Variants in PPP2R5E observed in about 807,000 individuals in gnomAD.
PPP2R5E encodes the protein serine/threonine-protein phosphatase 2A 56 kDa regulatory subunit epsilon isoform.
A neutral mutation model predicts 65.3 loss-of-function variants in PPP2R5E; 4 were observed. The ratio of observed to expected loss-of-function variants is 0.06; its 90% CI spans 0.03 to 0.14. The LOEUF (loss-of-function observed/expected upper bound fraction) is 0.14. Among genes scored for constraint, PPP2R5E ranks in the 10% least tolerant of loss-of-function variants. PPP2R5E has a pLI of 1.00. For synonymous variants in PPP2R5E, 183 were observed against 187.4 expected (o/e 0.98, Z 0.19); for missense variants, 274 against 556.1 (o/e 0.49, Z 5.10).
At chr14:63,399,326 G>C (rs1885599429) in intron 5 of PPP2R5E, among the ~76,000 whole-genome samples, 1 of 141,190 alleles carries the variant, frequency 7.1e-6, no homozygotes, top group Non-Finnish European at 1.5e-5. Flanking sequence ...GTGACAGAAA[G>C]TAGAATGGGG....
At chr14:63,429,714 A>C (rs529882752) in intron 3 of PPP2R5E, among the ~76,000 whole-genome samples, 1 of 150,226 alleles carries the variant, frequency 6.7e-6, no homozygotes. Flanking sequence ...ACAGATTTTC[A>C]TGCTTGTTGC....
At chr14:63,431,160 C>G (rs771689388) in intron 3 of PPP2R5E, among the ~76,000 whole-genome samples, 1 of 151,778 alleles carries the variant, frequency 6.6e-6, no homozygotes, top group Non-Finnish European at 1.5e-5. Context: ...CCCAGCTACT[C>G]GGGAGACTGA....
At position 63,391,651 on chromosome 14, in the gene PPP2R5E, G is replaced by A. The variant is rs544884597; in HGVS notation, c.954+166C>T. Among the ~76,000 whole-genome samples, 7 of 152,280 alleles carry A rather than the reference G, an allele frequency of 4.6e-5. No homozygotes were observed. In the East Asian group the frequency reaches 5.8e-4, roughly 13 times the overall value. ...TTGGTCAGGCTGGTCTCGAACTCCC[G>A]ACCTCAGGTGATCTGCCCGCCTCGG... On this transcript the variant is annotated intron_variant, in intron 10 of 13. Transcript: ENST00000337537.
At chr14:63,449,870 C>CT (rs1485905964) in intron 3 of PPP2R5E, among the ~76,000 whole-genome samples, 146 of 132,050 alleles carry the variant, frequency 1.1e-3, no homozygotes, top group African/African-American at 3.3e-3. Context: ...TTTTCTTTTC[C>CT]TATTTTTTTT....
chr14:63,431,231 G>T (rs1887654253), intron 3 of PPP2R5E, among the ~76,000 whole-genome samples: 1 of 150,522 alleles, frequency 6.6e-6, no homozygotes, highest in Non-Finnish European at 1.5e-5. Flanking sequence ...TCACGCCACT[G>T]CACTCCAGCC....
intron 12 of PPP2R5E, 91 bp from the exon 13 acceptor site, chr14:63,382,248 T>C (rs988799054): frequency 1.3e-5 from 12 of 901,950 alleles, no homozygotes; most frequent in African/African-American, 6.5e-5. Context: ...TTTGTCTGAA[T>C]GATTTCTCGT....
chr14:63,399,366 CTTTTTTTTTTTTTTTTT>C (rs397814218), intron 5 of PPP2R5E, among the ~76,000 whole-genome samples: 643 of 48,606 alleles, frequency 0.013, 17 homozygotes, highest in African/African-American at 0.049. Context: ...GGATTTCTTT[CTTTTTTTTTTTTTTTTT>C]TTTTTTTTTT....
At chr14:63,531,941 G>A (rs112332901) in intron 2 of PPP2R5E, among the ~76,000 whole-genome samples, 1,829 of 150,362 alleles carry the variant, frequency 0.012, 31 homozygotes, top group African/African-American at 0.043. Context: ...CAACAAGAGC[G>A]AACCTCCATC....
chr14:63,497,226 C>T (rs1891614508), intron 2 of PPP2R5E, among the ~76,000 whole-genome samples: 1 of 151,990 alleles, frequency 6.6e-6, no homozygotes, highest in Admixed American at 6.6e-5. Flanking sequence ...AAACGTATGA[C>T]AGTATTTCCT....
At position 63,497,475 on chromosome 14, in the gene PPP2R5E, A is replaced by G. The variant is rs538172661; in HGVS notation, c.157+42054T>C. Among the ~76,000 whole-genome samples, 15 of 152,234 alleles carry G rather than the reference A, an allele frequency of 9.9e-5. No individual in the cohort carries two copies. The South Asian group carries it at 3.1e-3, about 32-fold the overall frequency. ...AGTATAAAAACACATGAACCTGGCCAGGTGCAGTGGCTCCCCCCTGTAATT... is the reference window on the plus strand; with the variant it reads ...AGTATAAAAACACATGAACCTGGCCGGGTGCAGTGGCTCCCCCCTGTAATT... On this transcript the variant is annotated intron_variant, in intron 2 of 13. Coordinates refer to ENST00000337537, the MANE Select transcript of PPP2R5E (RefSeq NM_006246.5).
chr14:63,417,983 CT>C (rs1886796894), intron 4 of PPP2R5E, among the ~76,000 whole-genome samples: 1 of 152,202 alleles, frequency 6.6e-6, no homozygotes, highest in Non-Finnish European at 1.5e-5. Flanking sequence ...TCACGTCAGA[CT>C]CTAATTTAAG....
intron 3 of PPP2R5E, among the ~76,000 whole-genome samples, chr14:63,434,077 T>A (rs772243978): frequency 1.2e-4 from 19 of 152,218 alleles, no homozygotes; most frequent in Non-Finnish European, 2.6e-4. Context: ...AAAGTAAACA[T>A]ATGCATGGGT....
Position 63,421,002 on chromosome 14 carries a change from G to A in PPP2R5E, c.456+991C>T, listed in dbSNP as rs1184474381. ...CGGGAGGCGGAGCTTGCAGTGAGCC[G>A]AGATCCCGCCACTGCACTCCAGCCT... On this transcript the variant is annotated intron_variant, in intron 4 of 13. Transcript: ENST00000337537. Among the ~76,000 whole-genome samples, 5 of 108,966 alleles carry A rather than the reference G, an allele frequency of 4.6e-5. 1 individual carries two copies. Among genetic ancestry groups the A allele is most frequent in the Non-Finnish European group, 8.5e-5 (5 of 58,838 alleles). 71.5% of individuals were successfully genotyped at this position (108,966 alleles called of 152,430 possible). A position where few individuals can be genotyped will look rare whatever the true frequency, so the allele number is the denominator to read the frequency against.
chr14:63,380,741 T>C (rs1884306755), intron 13 of PPP2R5E, among the ~76,000 whole-genome samples: 1 of 152,152 alleles, frequency 6.6e-6, no homozygotes, highest in South Asian at 2.1e-4. Context: ...CCCAATATTC[T>C]GGGTAAAAAA....
intron 3 of PPP2R5E, among the ~76,000 whole-genome samples, chr14:63,439,282 TAAC>T (rs1481945353): frequency 6.6e-6 from 1 of 151,926 alleles, no homozygotes; most frequent in Non-Finnish European, 1.5e-5. Context: ...TATAGTATAA[TAAC>T]AAGCTTAGAG....
At chr14:63,491,936 A>AC (rs1375376358) in intron 2 of PPP2R5E, among the ~76,000 whole-genome samples, 5 of 152,132 alleles carry the variant, frequency 3.3e-5, no homozygotes, top group Admixed American at 2.0e-4. Context: ...TATGTGTCCT[A>AC]CATTTGTGGT....
intron 2 of PPP2R5E, among the ~76,000 whole-genome samples, chr14:63,520,812 G>A (rs1212402738): frequency 3.7e-5 from 5 of 133,542 alleles, no homozygotes; most frequent in Admixed American, 2.6e-4. Context: ...TCAGCAGATT[G>A]AGACCATCCT....
intron 13 of PPP2R5E, among the ~76,000 whole-genome samples, chr14:63,377,464 A>G (rs1307145214): frequency 6.6e-6 from 1 of 152,090 alleles, no homozygotes; most frequent in Non-Finnish European, 1.5e-5. Context: ...CTCCCAAAAA[A>G]CTCAAGAAAA....
chr14:63,501,382 G>A (rs901997375), intron 2 of PPP2R5E, among the ~76,000 whole-genome samples: 1 of 150,444 alleles, frequency 6.6e-6, no homozygotes, highest in Non-Finnish European at 1.5e-5. Flanking sequence ...TCCAGCCTGG[G>A]CGACAGAGCA....
Sources: allele counts gnomAD v4.1 joint callset (sites outside exome capture counted in the v4.1 genomes callset), GRCh38; gene constraint gnomAD v4.1.1; transcripts MANE v1.5; gene names NCBI Gene and HGNC (gene_info 2026-07-23, HGNC 2026-07-21).